Variants in RTL4 observed in about 807,000 individuals in gnomAD.
RTL4 encodes the protein retrotransposon Gag-like protein 4.
RTL4 carries 4 observed loss-of-function variants against 5.3 expected under a neutral mutation model. The ratio of observed to expected loss-of-function variants is 0.75; its 90% CI spans 0.37 to 1.72. The LOEUF is 1.72. Ranked by LOEUF, RTL4 falls within the 40% of genes most tolerant of loss-of-function variation. RTL4 has a pLI of 0.04. For synonymous variants in RTL4, 98 were observed against 87.3 expected (o/e 1.12, Z -0.68); for missense variants, 260 against 227.1 (o/e 1.14, Z -0.93).
the RTL4 span, among the ~76,000 whole-genome samples, chrX:112,349,093 G>A: frequency 9.0e-6 from 1 of 110,785 alleles, no homozygotes; most frequent in Non-Finnish European, 1.9e-5. Flanking sequence ...TTGAATGTAT[G>A]AAGTCTGCTC....
the RTL4 span, among the ~76,000 whole-genome samples, chrX:112,197,496 G>A: frequency 9.0e-6 from 1 of 110,970 alleles, no homozygotes; most frequent in Non-Finnish European, 1.9e-5. Context: ...TGGTGTGGGG[G>A]CATGAAGTCA....
At chrX:112,215,321 C>G in the RTL4 span, among the ~76,000 whole-genome samples, 3 of 111,326 alleles carry the variant, frequency 2.7e-5, no homozygotes, top group East Asian at 8.5e-4. Flanking sequence ...TTGTTATTAG[C>G]AATAATTTCC....
chrX:112,414,659 A>G, the RTL4 span, among the ~76,000 whole-genome samples: 1 of 111,565 alleles, frequency 9.0e-6, no homozygotes, highest in Non-Finnish European at 1.9e-5. Context: ...GCCCAATCCT[A>G]ATTCTTCTCA....
the RTL4 span, among the ~76,000 whole-genome samples, chrX:112,239,281 G>A: frequency 4.5e-5 from 5 of 111,041 alleles, no homozygotes; most frequent in African/African-American, 1.6e-4. Context: ...AGTGTCAGTG[G>A]GGCCTAGTGG....
At chrX:112,353,131 A>C in the RTL4 span, among the ~76,000 whole-genome samples, 1 of 112,059 alleles carries the variant, frequency 8.9e-6, no homozygotes, top group Non-Finnish European at 1.9e-5. Context: ...AACCACATTG[A>C]AATACCATCT....
the RTL4 span, among the ~76,000 whole-genome samples, chrX:112,291,434 G>A: frequency 1.8e-5 from 2 of 109,223 alleles, no homozygotes; most frequent in Non-Finnish European, 3.8e-5. Context: ...GGGGTGGTGG[G>A]GTGGAAAAGA....
chrX:112,401,213 T>A, the RTL4 span, among the ~76,000 whole-genome samples: 5 of 111,874 alleles, frequency 4.5e-5, no homozygotes, highest in South Asian at 1.9e-3. Flanking sequence ...CTCTCCTTTC[T>A]CTTAGTTCCT....
chrX:112,313,903 G>A, the RTL4 span, among the ~76,000 whole-genome samples: 1 of 110,780 alleles, frequency 9.0e-6, no homozygotes, highest in Non-Finnish European at 1.9e-5. Context: ...TTCTCAGCAT[G>A]GAATTTAGAG....
the RTL4 span, among the ~76,000 whole-genome samples, chrX:112,140,780 G>A: frequency 8.9e-6 from 1 of 111,876 alleles, no homozygotes; most frequent in Non-Finnish European, 1.9e-5. Context: ...CAATATGTCT[G>A]TATACTAACC....
the RTL4 span, among the ~76,000 whole-genome samples, chrX:112,405,621 A>G: frequency 9.0e-6 from 1 of 111,508 alleles, no homozygotes; most frequent in Non-Finnish European, 1.9e-5. Flanking sequence ...GATGGAGGCT[A>G]TGCATTCTAA....
At chrX:112,278,881 A>G in the RTL4 span, among the ~76,000 whole-genome samples, 1 of 111,789 alleles carries the variant, frequency 8.9e-6, no homozygotes, top group East Asian at 2.8e-4. Context: ...TTTGCGTTGA[A>G]TTTATGAAAT....
At chrX:112,311,118 T>A in the RTL4 span, among the ~76,000 whole-genome samples, 1 of 108,422 alleles carries the variant, frequency 9.2e-6, no homozygotes, top group East Asian at 2.9e-4. Context: ...AGCCTTAAGC[T>A]CTTTGAAGTT....
At chrX:112,388,623 G>A in the RTL4 span, among the ~76,000 whole-genome samples, 1 of 111,666 alleles carries the variant, frequency 9.0e-6, no homozygotes, top group African/African-American at 3.3e-5. Context: ...TAACATGAAG[G>A]GTCATTGAAT....
chrX:112,340,822 T>G, the RTL4 span, among the ~76,000 whole-genome samples: 1 of 110,891 alleles, frequency 9.0e-6, no homozygotes, highest in Non-Finnish European at 1.9e-5. Context: ...GTTCAAGTGA[T>G]TCTTATGCCT....
the RTL4 span, among the ~76,000 whole-genome samples, chrX:112,092,628 A>T: frequency 1.8e-5 from 2 of 111,475 alleles, no homozygotes; most frequent in Non-Finnish European, 3.8e-5. Context: ...CCCAGATCTC[A>T]TCTTGTAGCT....
chrX:112,285,120 G>C, the RTL4 span, among the ~76,000 whole-genome samples: 26 of 111,782 alleles, frequency 2.3e-4, no homozygotes, highest in Admixed American at 2.4e-3. Context: ...TAACCATTTT[G>C]GGGAGCTTGT....
chrX:112,145,145 A>T, the RTL4 span, among the ~76,000 whole-genome samples: 11 of 111,634 alleles, frequency 9.9e-5, no homozygotes, highest in African/African-American at 3.6e-4. Flanking sequence ...ACTTAACTGG[A>T]GTGTGTCAAG....
chrX:112,363,337 G>T, the RTL4 span, among the ~76,000 whole-genome samples: 42 of 111,291 alleles, frequency 3.8e-4, no homozygotes, highest in East Asian at 0.011. Context: ...AGGGGAAAGT[G>T]CTATCTGCAT....
the RTL4 span, among the ~76,000 whole-genome samples, chrX:112,309,536 T>C: frequency 1.8e-5 from 2 of 109,618 alleles, no homozygotes; most frequent in Non-Finnish European, 3.8e-5. Context: ...TTTACCAGGC[T>C]GGAGTGCAGT....
Sources: allele counts gnomAD v4.1 joint callset (sites outside exome capture counted in the v4.1 genomes callset), GRCh38; gene constraint gnomAD v4.1.1; transcripts MANE v1.5; gene names NCBI Gene and HGNC (gene_info 2026-07-23, HGNC 2026-07-21).